Variants in CCDC7 observed in about 807,000 individuals in gnomAD.
CCDC7 encodes coiled-coil domain containing 7, also known as coiled-coil domain-containing protein 7.
In CCDC7, 183 loss-of-function variants were observed where a neutral mutation model predicts 196.9. The observed-to-expected ratio is 0.93, with a 90% confidence interval of 0.82 to 1.05. The LOEUF is 1.05. CCDC7 is among the 50% of genes least tolerant of loss of function. The pLI is 0.00. For synonymous variants in CCDC7, 525 were observed against 484.6 expected (o/e 1.08, Z -1.10); for missense variants, 1,540 against 1,482.2 (o/e 1.04, Z -0.64).
intron 18 of CCDC7, among the ~76,000 whole-genome samples, chr10:32,585,159 C>T (rs1374568214): frequency 2.6e-5 from 4 of 151,926 alleles, no homozygotes; most frequent in African/African-American, 9.7e-5. Context: ...CTGCAAGCTC[C>T]GCCTCCCGGG....
intron 13 of CCDC7, 52 bp from the exon 15 acceptor site, chr10:32,565,506 T>C: frequency 6.4e-7 from 1 of 1,565,498 alleles, no homozygotes; most frequent in Non-Finnish European, 8.7e-7. Flanking sequence ...TAAAACTAAA[T>C]TAATTAAAAA....
upstream of CCDC7, among the ~76,000 whole-genome samples, chr10:32,443,565 A>G (rs922270709): frequency 2.0e-4 from 31 of 152,132 alleles, no homozygotes; most frequent in Admixed American, 1.6e-3. Context: ...TCATTGTTGG[A>G]AAGATTTTTC....
At chr10:32,504,493 A>C (rs4486524) in intron 9 of CCDC7, among the ~76,000 whole-genome samples, 52,472 of 152,066 alleles carry the variant, frequency 0.35, 11,477 homozygotes, top group Non-Finnish European at 0.5. Context: ...GGTGTATCAC[A>C]TTAGGTTATT....
At chr10:32,833,744 G>C (rs1393238526) in intron 32 of CCDC7, among the ~76,000 whole-genome samples, 1 of 152,004 alleles carries the variant, frequency 6.6e-6, no homozygotes, top group Non-Finnish European at 1.5e-5. Flanking sequence ...TCATTTTGGA[G>C]ATAATGCCCT....
At position 32,674,648 on chromosome 10, in the gene CCDC7, G is replaced by A. The variant is rs568644248; in HGVS notation, c.2122+10487G>A. The stretch of plus-strand genomic sequence containing the variant: ...TCTGTTGTTTATTGATTTTCTGTTT[G>A]GATGATCTATCCATTTTTGAAAGTG... On this transcript the variant is annotated intron_variant, in intron 21 of 41. Coordinates refer to ENST00000639629, the Ensembl canonical transcript of CCDC7. Among the ~76,000 whole-genome samples the A allele has an allele frequency of 1.4e-3, 217 of 151,964 alleles. 1 individual carries two copies. The highest frequency in any genetic ancestry group is 5.0e-3 in the African/African-American group (206 of 41,480).
intron 18 of CCDC7, among the ~76,000 whole-genome samples, chr10:32,594,058 T>C (rs542571948): frequency 1.8e-4 from 27 of 152,326 alleles, no homozygotes; most frequent in African/African-American, 6.5e-4. Flanking sequence ...ATATGAACTT[T>C]AAAGTAGTTT....
At chr10:32,579,730 A>G (rs2058565851) in intron 16 of CCDC7, among the ~76,000 whole-genome samples, 1 of 152,166 alleles carries the variant, frequency 6.6e-6, no homozygotes, top group Non-Finnish European at 1.5e-5. Flanking sequence ...GTAATTCCTT[A>G]GCTACCTGAT....
intron 28 of CCDC7, among the ~76,000 whole-genome samples, chr10:32,757,605 G>A (rs924685242): frequency 1.3e-5 from 2 of 152,250 alleles, no homozygotes; most frequent in African/African-American, 4.8e-5. Flanking sequence ...TTAAGGCAGT[G>A]TGTAGAGGGA....
intron 9 of CCDC7, among the ~76,000 whole-genome samples, chr10:32,509,653 A>C (rs1360515593): frequency 1.3e-5 from 2 of 152,184 alleles, no homozygotes; most frequent in Non-Finnish European, 2.9e-5. Flanking sequence ...CAAACTGTAC[A>C]TCTGATAATG....
chr10:32,470,972 C>A, intron 5 of CCDC7, 92 bp from the exon 7 acceptor site: 2 of 1,228,436 alleles, frequency 1.6e-6, no homozygotes, highest in Non-Finnish European at 2.2e-6. Flanking sequence ...ATAAAAATTA[C>A]TTTGATTTAA....
intron 13 of CCDC7, among the ~76,000 whole-genome samples, chr10:32,554,601 G>C (rs2054055610): frequency 6.6e-6 from 1 of 152,224 alleles, no homozygotes; most frequent in Admixed American, 6.5e-5. Flanking sequence ...CCAGTGGAGA[G>C]TGTGTTTTCG....
At chr10:32,660,329 T>C (rs2071038336) in intron 20 of CCDC7, among the ~76,000 whole-genome samples, 1 of 136,780 alleles carries the variant, frequency 7.3e-6, no homozygotes, top group Admixed American at 7.7e-5. Context: ...CCTGTGTCCA[T>C]GTGTTCTCAT....
At chr10:32,649,117 A>G (rs2068274096) in intron 20 of CCDC7, among the ~76,000 whole-genome samples, 1 of 152,186 alleles carries the variant, frequency 6.6e-6, no homozygotes, top group African/African-American at 2.4e-5. Flanking sequence ...ATGAGAATAC[A>G]TGGATACATG....
At chr10:32,591,918 G>A (rs2059817937) in intron 18 of CCDC7, among the ~76,000 whole-genome samples, 1 of 152,162 alleles carries the variant, frequency 6.6e-6, no homozygotes, top group Admixed American at 6.6e-5. Context: ...CACTGTGAGC[G>A]ACATGGTACC....
chr10:32,501,971 A>G (rs2044124500), intron 9 of CCDC7, among the ~76,000 whole-genome samples: 1 of 152,282 alleles, frequency 6.6e-6, no homozygotes, highest in South Asian at 2.1e-4. Context: ...GCTCTGTCCC[A>G]GGGAGCTGCG....
At chr10:32,760,076 A>G (rs572729585) in intron 28 of CCDC7, among the ~76,000 whole-genome samples, 1 of 128,532 alleles carries the variant, frequency 7.8e-6, no homozygotes, top group African/African-American at 2.4e-5. Context: ...AATGGCTATC[A>G]CTAAAAAGTC....
chr10:32,739,832 T>A (rs972727231), intron 28 of CCDC7, among the ~76,000 whole-genome samples: 8 of 150,770 alleles, frequency 5.3e-5, no homozygotes, highest in African/African-American at 9.8e-5. Context: ...AATGATAAAA[T>A]TTTCTAAAAT....
At chr10:32,754,328 A>G (rs2133576475) in intron 28 of CCDC7, among the ~76,000 whole-genome samples, 1 of 152,288 alleles carries the variant, frequency 6.6e-6, no homozygotes, top group African/African-American at 2.4e-5. Context: ...ACTGATAAAT[A>G]AACACTAGGA....
intron 25 of CCDC7, among the ~76,000 whole-genome samples, chr10:32,713,813 T>A (rs1329944213): frequency 6.6e-6 from 1 of 152,248 alleles, no homozygotes; most frequent in Non-Finnish European, 1.5e-5. Flanking sequence ...TTGGCCAGTG[T>A]TTGCTATCTG....
Sources: gnomAD v4.1 joint callset for allele counts (sites outside exome capture counted in the v4.1 genomes callset) on GRCh38, gnomAD v4.1.1 for gene constraint, MANE v1.5 for transcripts, NCBI Gene and HGNC (gene_info 2026-07-23, HGNC 2026-07-21) for gene names.